MID2: variants seen among roughly 807,000 people sequenced by gnomAD.
MID2 encodes the protein midline 2, also known as probable E3 ubiquitin-protein ligase MID2.
A neutral mutation model predicts 46.1 loss-of-function variants in MID2; 13 were observed. The ratio of observed to expected loss-of-function variants is 0.28; its 90% CI spans 0.18 to 0.45. The LOEUF (loss-of-function observed/expected upper bound fraction) is 0.45. Ranked by LOEUF, MID2 falls within the 20% of genes least tolerant of loss-of-function variation. The pLI, the probability that MID2 is intolerant of heterozygous loss-of-function variation, is 1.00. For synonymous variants in MID2, 199 were observed against 212.3 expected (o/e 0.94, Z 0.55); for missense variants, 431 against 575.4 (o/e 0.75, Z 2.57).
chrX:107,875,429 T>TG (rs772908134), intron 3 of MID2, among the ~76,000 whole-genome samples: 2 of 111,761 alleles, frequency 1.8e-5, no homozygotes, highest in South Asian at 7.6e-4. Flanking sequence ...TTATCAATGA[T>TG]GGCTTCTAGT....
chrX:107,863,141 T>A (rs73527066), intron 3 of MID2, among the ~76,000 whole-genome samples: 2,105 of 112,191 alleles, frequency 0.019, 51 homozygotes, highest in African/African-American at 0.064. Context: ...TGCTTTATAA[T>A]TTTTCAGAGA....
intron 3 of MID2, among the ~76,000 whole-genome samples, chrX:107,880,357 A>G (rs1396827362): frequency 9.0e-6 from 1 of 111,256 alleles, no homozygotes; most frequent in East Asian, 2.8e-4. Context: ...CCTAGGCTCA[A>G]GCGATCTGCC....
chrX:107,845,451 T>C (rs141508430), intron 2 of MID2, among the ~76,000 whole-genome samples: 3,579 of 108,240 alleles, frequency 0.033, 167 homozygotes, highest in African/African-American at 0.11. Flanking sequence ...TGTTATAAAA[T>C]ATTACCCAGC....
At chrX:107,892,314 G>A in intron 3 of MID2, among the ~76,000 whole-genome samples, 1 of 112,111 alleles carries the variant, frequency 8.9e-6, no homozygotes, top group Non-Finnish European at 1.9e-5. Context: ...CAGGAAACCT[G>A]GGTTCTGCTG....
chrX:107,922,465 AT>A (rs746554482), intron 7 of MID2, among the ~76,000 whole-genome samples: 1 of 111,514 alleles, frequency 9.0e-6, no homozygotes, highest in African/African-American at 3.3e-5. Context: ...ATTTAATTTT[AT>A]TTTTTTGAAT....
chrX:107,895,511 A>C (rs1423585759), intron 3 of MID2: 2 of 111,875 alleles, frequency 1.8e-5, no homozygotes, highest in African/African-American at 6.5e-5. Flanking sequence ...ATAGTTTTTT[A>C]TTTTTTATTA....
intron 2 of MID2, among the ~76,000 whole-genome samples, chrX:107,852,104 C>T (rs1877089112): frequency 9.0e-6 from 1 of 111,377 alleles, no homozygotes; most frequent in East Asian, 2.8e-4. Context: ...GTTGGCCAGG[C>T]TGGTCTTGAA....
intron 5 of MID2, among the ~76,000 whole-genome samples, chrX:107,906,767 G>A (rs1251409718): frequency 1.8e-5 from 2 of 111,576 alleles, no homozygotes; most frequent in East Asian, 2.8e-4. Context: ...TGTATTTTTA[G>A]TAGAGATGGG....
At chrX:107,859,292 G>T (rs1206670237) in intron 3 of MID2, among the ~76,000 whole-genome samples, 2 of 112,225 alleles carry the variant, frequency 1.8e-5, no homozygotes, top group Non-Finnish European at 3.8e-5. Flanking sequence ...CTAGAAGAAA[G>T]AATAGAATTT....
intron 3 of MID2, among the ~76,000 whole-genome samples, chrX:107,883,317 T>A (rs772180677): frequency 1.8e-5 from 2 of 111,210 alleles, no homozygotes; most frequent in East Asian, 5.6e-4. Context: ...AAACTGCATG[T>A]TCTGCACATG....
At chrX:107,847,431 GAGA>G (rs1424008038) in intron 2 of MID2, among the ~76,000 whole-genome samples, 4 of 111,605 alleles carry the variant, frequency 3.6e-5, no homozygotes, top group Non-Finnish European at 3.8e-5. Flanking sequence ...GAATTTATTG[GAGA>G]AGAAGGACCA....
intron 1 of MID2, among the ~76,000 whole-genome samples, chrX:107,833,605 A>G (rs916196452): frequency 3.7e-5 from 4 of 109,463 alleles, no homozygotes; most frequent in Admixed American, 9.8e-5. Flanking sequence ...TGGAATAATA[A>G]TTGTTAATTA....
rs142717164 is a variant in MID2 at position 107,868,125 on chromosome X, A to G, written c.816+13421A>G. 8.3e-3 allele frequency among the ~76,000 whole-genome samples: 924 copies of G among 111,733 alleles called. 7 individuals carry two copies. Among genetic ancestry groups the G allele is most frequent in the Non-Finnish European group, 0.013 (690 of 53,129 alleles). ...AATGGGTGAATTTTGTGGCATATAC[A>G]TTATATATCAATAAAGCTCTTAAAA... On this transcript the variant is annotated intron_variant, in intron 3 of 9. Coordinates refer to ENST00000262843, the MANE Select transcript of MID2 (RefSeq NM_012216.4).
chrX:107,901,378 G>A (rs754394338), intron 3 of MID2: 2 of 111,869 alleles, frequency 1.8e-5, no homozygotes, highest in East Asian at 5.6e-4. Flanking sequence ...AATGATAGTA[G>A]CATTGACACA....
chrX:107,915,289 G>A (rs770169926), intron 5 of MID2, among the ~76,000 whole-genome samples: 1 of 112,167 alleles, frequency 8.9e-6, no homozygotes, highest in South Asian at 3.7e-4. Context: ...AGGTGCGGTG[G>A]CTAGCTCATG....
rs1360143915 is a variant in MID2, at chrX:107,905,629, C to A, written c.1073+3C>A. Reference sequence around the variant, plus strand: ...TCTGCAAAAAATATTGCTGAGAGGTCAGTTCCTTATATTCTTTGGAAATGC... The same window carrying A: ...TCTGCAAAAAATATTGCTGAGAGGTAAGTTCCTTATATTCTTTGGAAATGC... On this transcript the variant is annotated splice_donor_region_variant and intron_variant, in intron 5 of 9. Transcript: ENST00000262843. 8.4e-7 allele frequency: 1 copy of A among 1,185,780 alleles called. No individual in the cohort carries two copies.
chrX:107,840,434 CAG>C (rs1429047682), intron 1 of MID2, among the ~76,000 whole-genome samples: 1 of 111,875 alleles, frequency 8.9e-6, no homozygotes, highest in African/African-American at 3.3e-5. Flanking sequence ...TATCAGGATT[CAG>C]AGGTGGCCAT....
Position 107,893,607 on chromosome X carries a change from A to T in MID2, c.817-10351A>T, listed in dbSNP as rs773916376. ...TTTTTGGAGGAATGTCAATATTGTG[A>T]AGCACTTTTCCAAGTCCTTTTAAGC... On this transcript the variant is annotated intron_variant, in intron 3 of 9. Transcript: ENST00000262843. Among the ~76,000 whole-genome samples the T allele has an allele frequency of 1.6e-4, 18 of 112,455 alleles. No individual in the cohort carries two copies. The South Asian group carries it at 6.2e-3, about 39-fold the overall frequency.
At chrX:107,860,957 CT>C (rs776924910) in intron 3 of MID2, among the ~76,000 whole-genome samples, 4 of 112,008 alleles carry the variant, frequency 3.6e-5, no homozygotes, top group Non-Finnish European at 5.6e-5. Context: ...GCCTGTGCCC[CT>C]GACCACTCCA....
Sources: allele counts gnomAD v4.1 joint callset (sites outside exome capture counted in the v4.1 genomes callset), GRCh38; gene constraint gnomAD v4.1.1; transcripts MANE v1.5; gene names NCBI Gene and HGNC (gene_info 2026-07-23, HGNC 2026-07-21).